Variants in FYTTD1 observed in about 807,000 individuals in gnomAD.
The protein encoded by FYTTD1 is UAP56-interacting factor.
A neutral mutation model predicts 40.9 loss-of-function variants in FYTTD1; 22 were observed. The observed-to-expected ratio is 0.54, with a 90% CI of 0.38 to 0.77. The LOEUF (loss-of-function observed/expected upper bound fraction) is 0.77, where lower values mean the gene tolerates loss of function less well. Ranked by LOEUF, FYTTD1 falls within the 30% of genes least tolerant of loss-of-function variation. The pLI is 0.00. For synonymous variants in FYTTD1, 140 were observed against 137.9 expected (o/e 1.01, Z -0.10); for missense variants, 351 against 392.2 (o/e 0.90, Z 0.89).
chr3:197,781,372 A>G (rs1204514461), intron 8 of FYTTD1, among the ~76,000 whole-genome samples: 1 of 151,360 alleles, frequency 6.6e-6, no homozygotes, highest in Non-Finnish European at 1.5e-5. Context: ...TGTTGCTATT[A>G]TTGTTTTCCA....
intron 4 of FYTTD1, among the ~76,000 whole-genome samples, 189 bp from the exon 5 acceptor site, chr3:197,773,214 A>T (rs1017725807): frequency 6.6e-6 from 1 of 152,230 alleles, no homozygotes; most frequent in Non-Finnish European, 1.5e-5. Flanking sequence ...GTTATGTGCT[A>T]TGCTTCGGAG....
At chr3:197,765,117 T>C (rs184515213) in intron 2 of FYTTD1, among the ~76,000 whole-genome samples, 10 of 152,204 alleles carry the variant, frequency 6.6e-5, no homozygotes, top group African/African-American at 2.4e-4. Flanking sequence ...CCTCACTAAA[T>C]GTTGGAATTA....
intron 1 of FYTTD1, chr3:197,750,357 T>A: frequency 8.9e-7 from 1 of 1,125,330 alleles, no homozygotes; most frequent in Admixed American, 4.9e-5. Flanking sequence ...GTTCGCAGGG[T>A]CGCGGGGGGC....
intron 1 of FYTTD1, among the ~76,000 whole-genome samples, chr3:197,754,171 G>GTACT (rs746652414): frequency 6.6e-6 from 1 of 152,106 alleles, no homozygotes; most frequent in East Asian, 1.9e-4. Context: ...TTGATGAAGA[G>GTACT]TAAGTAGCAC....
chr3:197,757,038 A>C (rs561721210), intron 2 of FYTTD1, among the ~76,000 whole-genome samples: 1 of 152,340 alleles, frequency 6.6e-6, no homozygotes, highest in East Asian at 1.9e-4. Flanking sequence ...TCTTTTGTAT[A>C]TGAGAACTCT....
intron 1 of FYTTD1, among the ~76,000 whole-genome samples, chr3:197,756,108 A>G (rs549933171): frequency 9.1e-5 from 13 of 142,468 alleles, no homozygotes; most frequent in Middle Eastern, 4.2e-3. Flanking sequence ...GTAGGAAATT[A>G]GAGGCTTCTG....
At chr3:197,774,095 T>A in intron 5 of FYTTD1, 54 bp from the exon 6 acceptor site, 1 of 1,472,932 alleles carries the variant, frequency 6.8e-7, no homozygotes, top group Non-Finnish European at 9.5e-7. Context: ...GATCGCTCTT[T>A]GGATTCAAAT....
rs1730180855 is a variant in FYTTD1 at position 197,787,585 on chromosome 3, A to G, written c.*5676A>G. 1 of 152,234 alleles carries G rather than the reference A, an allele frequency of 6.6e-6. No individual in the cohort carries two copies. The highest frequency in any genetic ancestry group is 2.1e-4 in the South Asian group (1 of 4,832). 9.4% of individuals were successfully genotyped at this position (152,234 alleles called of 1,614,324 possible). ...ACTTTCAGTCTGTAAAATAAACAGG[A>G]AGAACTGGGAAGTACACTGTATCAA... On this transcript the variant is annotated 3_prime_UTR_variant, in exon 9 of 9. Coordinates refer to ENST00000241502, the MANE Select transcript of FYTTD1 (RefSeq NM_032288.7).
chr3:197,776,791 T>C (rs1729887704), intron 6 of FYTTD1, 136 bp from the exon 7 acceptor site: 1 of 582,598 alleles, frequency 1.7e-6, no homozygotes, highest in Non-Finnish European at 3.0e-6. Context: ...TATTATATCA[T>C]GGTGGGGTTC....
At chr3:197,770,330 T>G (rs1050896685) in intron 4 of FYTTD1, 86 bp downstream of exon 4, 1 of 823,432 alleles carries the variant, frequency 1.2e-6, no homozygotes, top group Non-Finnish European at 2.0e-6. Flanking sequence ...TTGCAGTGAT[T>G]TTTTTAGTTA....
chr3:197,777,866 C>T (rs1048352733), intron 7 of FYTTD1, among the ~76,000 whole-genome samples: 2 of 152,064 alleles, frequency 1.3e-5, no homozygotes, highest in Non-Finnish European at 2.9e-5. Flanking sequence ...AGGCATGCAC[C>T]ACCACACCCA....
In FYTTD1 at chr3:197,778,958, G is replaced by A. The variant is rs552520003; in HGVS notation, c.858+494G>A. On this transcript the variant is annotated intron_variant, in intron 8 of 8. Coordinates refer to ENST00000241502, the MANE Select transcript of FYTTD1 (RefSeq NM_032288.7). Reference sequence around the variant, plus strand: ...TCTGTATCTAACCTTTTGAGGAACTGCTGGACTGCTTTTTTCCTAGAAGAG... The same window carrying A: ...TCTGTATCTAACCTTTTGAGGAACTACTGGACTGCTTTTTTCCTAGAAGAG... Among the ~76,000 whole-genome samples, 4 of 152,296 alleles carry A rather than the reference G, an allele frequency of 2.6e-5. No homozygotes were observed. In the South Asian group the frequency reaches 6.2e-4, roughly 24 times the overall value.
At chr3:197,755,768 GT>G (rs1560492217) in intron 1 of FYTTD1, 3 of 1,548,500 alleles carry the variant, frequency 1.9e-6, no homozygotes, top group Non-Finnish European at 2.6e-6. Flanking sequence ...GATTATAGGT[GT>G]GAGTCACCAT....
At chr3:197,761,091 T>A (rs565841266) in intron 2 of FYTTD1, among the ~76,000 whole-genome samples, 1 of 150,342 alleles carries the variant, frequency 6.7e-6, no homozygotes, top group Admixed American at 6.6e-5. Context: ...TGTATAGAGT[T>A]GTTCTTCAGT....
intron 4 of FYTTD1, 107 bp from the exon 5 acceptor site, chr3:197,773,296 G>T (rs554446637): frequency 1.9e-4 from 118 of 613,768 alleles, no homozygotes; most frequent in Middle Eastern, 4.4e-4. Context: ...TTTGTTTCTT[G>T]CACCTCATGT....
intron 2 of FYTTD1, among the ~76,000 whole-genome samples, chr3:197,760,587 G>A (rs1216940541): frequency 6.6e-6 from 1 of 151,582 alleles, no homozygotes; most frequent in East Asian, 2.0e-4. Context: ...AGAATATATA[G>A]GGTTGTTCTT....
chr3:197,773,588 C>G, intron 5 of FYTTD1, 89 bp downstream of exon 5: 1 of 715,232 alleles, frequency 1.4e-6, no homozygotes, highest in Admixed American at 2.4e-5. Flanking sequence ...AAGCCTCAGT[C>G]ATAGGCAGCA....
At chr3:197,750,108 G>C in intron 1 of FYTTD1, 34 bp downstream of exon 1, 1 of 1,484,202 alleles carries the variant, frequency 6.7e-7, no homozygotes, top group Non-Finnish European at 9.1e-7. Context: ...TTGGAGTGCG[G>C]GGGAGGGCGC....
At chr3:197,757,220 G>C (rs1482323636) in intron 2 of FYTTD1, among the ~76,000 whole-genome samples, 4 of 152,150 alleles carry the variant, frequency 2.6e-5, no homozygotes, top group Non-Finnish European at 5.9e-5. Flanking sequence ...TGATAATCTG[G>C]AAGCTTATTT....
Sources: allele counts gnomAD v4.1 joint callset (sites outside exome capture counted in the v4.1 genomes callset), GRCh38; gene constraint gnomAD v4.1.1; transcripts MANE v1.5; gene names NCBI Gene and HGNC (gene_info 2026-07-23, HGNC 2026-07-21).